Variants in EFNA2 observed in about 807,000 individuals in gnomAD.
The protein encoded by EFNA2 is ephrin-A2.
A neutral mutation model predicts 19.7 loss-of-function variants in EFNA2; 18 were observed. That is an observed-to-expected ratio of 0.91 (90% CI 0.63 to 1.35). The LOEUF is 1.35. Among genes scored for constraint, EFNA2 ranks in the 40% most tolerant of loss-of-function variants. EFNA2 has a pLI of 0.00. For missense variants in EFNA2, 303 were observed against 296.0 expected (o/e 1.02, Z -0.17); for synonymous variants, 187 against 137.8 (o/e 1.36, Z -2.50).
chr19:1,293,889 G>A (rs767122970), intron 1 of EFNA2, among the ~76,000 whole-genome samples: 4 of 152,254 alleles, frequency 2.6e-5, no homozygotes, highest in Non-Finnish European at 5.9e-5. Context: ...GGCCCCGCCT[G>A]GCGTGGCATC....
In EFNA2 at chr19:1,300,636, G is replaced by A. The variant is rs1342298136; in HGVS notation, c.*691G>A. ...GGTTGGGTGAGTCTGAGCCGGAAGGGGTACGTGGTGGGCGCCCCTCATTGT... is the reference window on the plus strand; with the variant it reads ...GGTTGGGTGAGTCTGAGCCGGAAGGAGTACGTGGTGGGCGCCCCTCATTGT... On this transcript the variant is annotated 3_prime_UTR_variant, in exon 4 of 4. Coordinates refer to ENST00000215368, the MANE Select transcript of EFNA2 (RefSeq NM_001405.4). 6.6e-6 allele frequency among the ~76,000 whole-genome samples: 1 copy of A among 152,080 alleles called. No individual in the cohort carries two copies. The highest frequency in any genetic ancestry group is 1.5e-5 in the Non-Finnish European group (1 of 68,004).
Position 1,296,371 on chromosome 19 carries a change from G to A in EFNA2, c.454+513G>A, listed in dbSNP as rs927350471. 1.8e-3 allele frequency among the ~76,000 whole-genome samples: 273 copies of A among 152,322 alleles called. 3 individuals carry two copies. Among genetic ancestry groups the A allele is most frequent in the African/African-American group, 6.4e-3 (268 of 41,564 alleles). On this transcript the variant is annotated intron_variant, in intron 2 of 3. Transcript: ENST00000215368. This position sits in a 1 kb window ranked among gnomAD's most constrained non-coding sequence, Gnocchi z 4.4. The stretch of plus-strand genomic sequence containing the variant: ...GGCATCCGGAGCCCAGCAGGGGAGG[G>A]GAGCTTGGTGGAAGCCACAGCTAGG...
rs533775563 is a variant in EFNA2 at position 1,295,378 on chromosome 19, C to T, written c.141-167C>T. 6.6e-6 allele frequency among the ~76,000 whole-genome samples: 1 copy of T among 151,534 alleles called. No homozygotes were observed. The highest frequency in any genetic ancestry group is 1.9e-4 in the East Asian group (1 of 5,156). On this transcript the variant is annotated intron_variant, in intron 1 of 3. Transcript: ENST00000215368. The surrounding 1 kb of genome is among the most constrained non-coding windows in gnomAD (Gnocchi z 5.8). Reference sequence around the variant, plus strand: ...GCACCTGTCCCCTGACCCTGTCCCCCCTGGCGCACCCTGACCCGTCCCCCG... The same window carrying T: ...GCACCTGTCCCCTGACCCTGTCCCCTCTGGCGCACCCTGACCCGTCCCCCG...
chr19:1,299,730 CG>C (rs2081531524), intron 3 of EFNA2, 93 bp from the exon 4 acceptor site: 1 of 1,456,634 alleles, frequency 6.9e-7, no homozygotes, highest in African/African-American at 1.4e-5. Context: ...GTGATGAGCC[CG>C]TTGGGCAGAT....
Position 1,296,444 on chromosome 19 carries a change from A to C in EFNA2, c.454+586A>C, listed in dbSNP as rs1213833635. Among the ~76,000 whole-genome samples the C allele has an allele frequency of 6.6e-6, 1 of 152,158 alleles. No individual in the cohort carries two copies. Among genetic ancestry groups the C allele is most frequent in the Non-Finnish European group, 1.5e-5 (1 of 68,020 alleles). Reference sequence around the variant, plus strand: ...GCAATCCCAGCACTTTGGGATGCCGAGGCGGGAGGATCACTTGAGGCCAGC... The same window carrying C: ...GCAATCCCAGCACTTTGGGATGCCGCGGCGGGAGGATCACTTGAGGCCAGC... On this transcript the variant is annotated intron_variant, in intron 2 of 3. Transcript: ENST00000215368. The surrounding 1 kb of genome is among the most constrained non-coding windows in gnomAD (Gnocchi z 4.4).
rs1217044011 is a variant in EFNA2 at position 1,295,917 on chromosome 19, G to A, written c.454+59G>A. The A allele has an allele frequency of 2.8e-6, 3 of 1,087,888 alleles. No individual in the cohort carries two copies. Among genetic ancestry groups the A allele is most frequent in the African/African-American group, 1.7e-5 (1 of 57,682 alleles). The allele number at this position is 1,087,888 out of a possible 1,614,324, so 67.4% of individuals were successfully genotyped here. A position where few individuals can be genotyped will look rare whatever the true frequency, so the allele number is the denominator to read the frequency against. The stretch of plus-strand genomic sequence containing the variant: ...GAGTGGGCGGGGACGCGGGGGCGGG[G>A]CCAGGAAGTGGGCGGGACCACTGGG... On this transcript the variant is annotated intron_variant, in intron 2 of 3. Transcript: ENST00000215368. The surrounding 1 kb of genome is among the most constrained non-coding windows in gnomAD (Gnocchi z 5.8).
At chr19:1,299,125 C>G (rs925536964) in intron 3 of EFNA2, among the ~76,000 whole-genome samples, 2 of 152,136 alleles carry the variant, frequency 1.3e-5, no homozygotes, top group African/African-American at 4.8e-5. Flanking sequence ...GTAATCCCAG[C>G]TACTCAGGAG....
chr19:1,284,795 C>T (rs1324183642), upstream of EFNA2, among the ~76,000 whole-genome samples: 1 of 152,248 alleles, frequency 6.6e-6, no homozygotes, highest in East Asian at 1.9e-4. This position sits in a 1 kb window ranked among gnomAD's most constrained non-coding sequence, Gnocchi z 5.3. Flanking sequence ...GCTTGCCCTG[C>T]AGTTCCCTCT....
chr19:1,298,159 T>C (rs2081524615), intron 2 of EFNA2, among the ~76,000 whole-genome samples: 1 of 150,382 alleles, frequency 6.6e-6, no homozygotes, highest in Admixed American at 6.6e-5. Flanking sequence ...GAGCGGCTTG[T>C]CCACAGGCTC....
rs1204186543 is a variant in EFNA2, at chr19:1,299,782, G to A, written c.521-42G>A. The stretch of plus-strand genomic sequence containing the variant: ...GGGCGGCACGTGGGGAGCCCAGTGG[G>A]GTTCGGGCGGCCGCTGAGCGTGCTG... On this transcript the variant is annotated intron_variant, in intron 3 of 3. Transcript: ENST00000215368. 3.2e-6 allele frequency: 5 copies of A among 1,562,672 alleles called. No homozygotes were observed. In the Admixed American group the frequency reaches 5.4e-5, roughly 17 times the overall value.
rs960602989 is a variant in EFNA2, at chr19:1,295,056, C to T, written c.141-489C>T. On this transcript the variant is annotated intron_variant, in intron 1 of 3. Coordinates refer to ENST00000215368, the MANE Select transcript of EFNA2 (RefSeq NM_001405.4). The surrounding 1 kb of genome is among the most constrained non-coding windows in gnomAD (Gnocchi z 5.8). ...ACACCCACCTCGCTGCTGGCCCTGC[C>T]GTGGGGCTGTTGGGGACACTGAGGC... Among the ~76,000 whole-genome samples, 5 of 151,986 alleles carry T rather than the reference C, an allele frequency of 3.3e-5. No individual in the cohort carries two copies. Among genetic ancestry groups the T allele is most frequent in the Non-Finnish European group, 4.4e-5 (3 of 67,978 alleles).
At chr19:1,290,003 G>A (rs954915835) in intron 1 of EFNA2, among the ~76,000 whole-genome samples, 1 of 152,126 alleles carries the variant, frequency 6.6e-6, no homozygotes, top group African/African-American at 2.4e-5. Flanking sequence ...GTGGGGTCCT[G>A]GAGGCCGTGG....
chr19:1,287,884 C>T lies in EFNA2; in HGVS notation c.140+1576C>T, dbSNP rs1234500822. Among the ~76,000 whole-genome samples, 4 of 152,256 alleles carry T rather than the reference C, an allele frequency of 2.6e-5. No homozygotes were observed. Among genetic ancestry groups the T allele is most frequent in the Non-Finnish European group, 5.9e-5 (4 of 68,044 alleles). ...CGCCAAACACACGAGGACCCGGCAA[C>T]CGGGGGAGGAAGGTGGTCACCAGGG... On this transcript the variant is annotated intron_variant, in intron 1 of 3. Transcript: ENST00000215368. The surrounding 1 kb of genome is among the most constrained non-coding windows in gnomAD (Gnocchi z 6.2).
At chr19:1,289,482 TCTC>T (rs1465801672) in intron 1 of EFNA2, among the ~76,000 whole-genome samples, 1 of 152,118 alleles carries the variant, frequency 6.6e-6, no homozygotes, top group Non-Finnish European at 1.5e-5. Context: ...TGGCCCTCCC[TCTC>T]CTCCTCCCCT....
At chr19:1,285,845 C>T, upstream of EFNA2, among the ~76,000 whole-genome samples, 1 of 147,324 alleles carries the variant, frequency 6.8e-6, no homozygotes, top group East Asian at 2.0e-4. This position sits in a 1 kb window ranked among gnomAD's most constrained non-coding sequence, Gnocchi z 4.1. Flanking sequence ...GCCCGCGGCC[C>T]TCCCGACGCT....
upstream of EFNA2, among the ~76,000 whole-genome samples, chr19:1,285,568 A>G (rs2081459318): frequency 3.3e-5 from 5 of 152,038 alleles, no homozygotes; most frequent in Admixed American, 2.6e-4. The surrounding 1 kb of genome is among the most constrained non-coding windows in gnomAD (Gnocchi z 4.1). Flanking sequence ...GGCTGCGGAT[A>G]GCGCTGGAAC....
At position 1,300,092 on chromosome 19, in the gene EFNA2, G is replaced by GCCT; in HGVS notation, c.*147_*148insCCT. 3 of 1,202,516 alleles carry GCCT rather than the reference G, an allele frequency of 2.5e-6. No individual in the cohort carries two copies. The highest frequency in any genetic ancestry group is 3.3e-6 in the Non-Finnish European group (3 of 898,202). The allele number at this position is 1,202,516 out of a possible 1,614,324, so 74.5% of individuals were successfully genotyped here. ...CGCCTGGTGCCGCCCCCGCCGGGCA[G>GCCT]GGGCCATCCACCCGCCCCAGGACCA... On this transcript the variant is annotated 3_prime_UTR_variant, in exon 4 of 4. Transcript: ENST00000215368.
In EFNA2 at chr19:1,300,819, TCA is replaced by T. The variant is rs762105390; in HGVS notation, c.*878_*879del. 1.5e-3 allele frequency among the ~76,000 whole-genome samples: 225 copies of T among 152,278 alleles called. No homozygotes were observed. Among genetic ancestry groups the T allele is most frequent in the Non-Finnish European group, 2.5e-3 (168 of 68,008 alleles). ...CAGCCCCCTACCCGTCCCCCTCGCC[TCA>T]CACGGTCCCTCTCCGAGGCCGAGAA... is the stretch of plus-strand genomic sequence containing the variant. On this transcript the variant is annotated 3_prime_UTR_variant, in exon 4 of 4. Transcript: ENST00000215368.
At chr19:1,293,747 C>T (rs1244794594) in intron 1 of EFNA2, among the ~76,000 whole-genome samples, 1 of 152,244 alleles carries the variant, frequency 6.6e-6, no homozygotes, top group African/African-American at 2.4e-5. Flanking sequence ...AGGGTGACTT[C>T]ACCGCCTCCG....
Sources: gnomAD v4.1 joint callset for allele counts (sites outside exome capture counted in the v4.1 genomes callset) on GRCh38, gnomAD v4.1.1 for gene constraint, Gnocchi (gnomAD v3.1) non-coding constraint, MANE v1.5 for transcripts, NCBI Gene and HGNC (gene_info 2026-07-23, HGNC 2026-07-21) for gene names.